The following LSAMP variants were observed in gnomAD, a reference collection of about 807,000 sequenced individuals.
LSAMP encodes limbic system-associated membrane protein.
In LSAMP, 7 loss-of-function variants were observed where a neutral mutation model predicts 38.6. The observed-to-expected ratio is 0.18, with a 90% CI of 0.10 to 0.34. LSAMP has a LOEUF of 0.34. Ranked by LOEUF, LSAMP falls within the 10% of genes least tolerant of loss-of-function variation. The probability of loss-of-function intolerance (pLI) is 1.00; values close to 1 mark genes in which losing one functional copy is unlikely to be tolerated. For missense variants in LSAMP, 313 were observed against 420.0 expected (o/e 0.75, Z 2.23); for synonymous variants, 154 against 166.8 (o/e 0.92, Z 0.59).
intron 1 of LSAMP, among the ~76,000 whole-genome samples, chr3:116,370,682 C>T (rs995784085): frequency 6.6e-6 from 1 of 152,138 alleles, no homozygotes; most frequent in African/African-American, 2.4e-5. Flanking sequence ...CTTGCAGTCA[C>T]AGAAGTGCAG....
In LSAMP at chr3:115,804,668, A is replaced by G. The variant is rs1480203275; in HGVS notation, c.*5649T>C. 1 of 152,102 alleles carries G rather than the reference A, an allele frequency of 6.6e-6. No homozygotes were observed. Among genetic ancestry groups the G allele is most frequent in the African/African-American group, 2.4e-5 (1 of 41,408 alleles). 9.4% of individuals were successfully genotyped at this position (152,102 alleles called of 1,614,324 possible). ...CTAAAATTTTTATAAGTCTTTGCAGAAAGTTCACTTGTTTCCTGAAATCAT... is the reference window on the plus strand; with the variant it reads ...CTAAAATTTTTATAAGTCTTTGCAGGAAGTTCACTTGTTTCCTGAAATCAT... On this transcript the variant is annotated 3_prime_UTR_variant, in exon 7 of 7. Transcript: ENST00000490035.
At chr3:115,928,782 A>G (rs568095373) in intron 3 of LSAMP, among the ~76,000 whole-genome samples, 1 of 152,246 alleles carries the variant, frequency 6.6e-6, no homozygotes, top group East Asian at 1.9e-4. Flanking sequence ...TATATTCTGT[A>G]ACCGTGGATC....
chr3:116,301,840 T>TATCA (rs1273331917), intron 1 of LSAMP, among the ~76,000 whole-genome samples: 2 of 152,218 alleles, frequency 1.3e-5, no homozygotes, highest in African/African-American at 4.8e-5. Flanking sequence ...GACACAAATC[T>TATCA]ATCATGACAG....
chr3:116,220,126 T>G (rs1277497792), intron 1 of LSAMP, among the ~76,000 whole-genome samples: 1 of 150,990 alleles, frequency 6.6e-6, no homozygotes, highest in Non-Finnish European at 1.5e-5. Context: ...GAGGTTACAG[T>G]GAGCTGAGAC....
chr3:116,440,748 C>T (rs188314659), intron 1 of LSAMP, among the ~76,000 whole-genome samples: 41 of 152,284 alleles, frequency 2.7e-4, no homozygotes, highest in Middle Eastern at 3.4e-3. Context: ...CTGCAATGCA[C>T]GATCCTTACA....
intron 1 of LSAMP, among the ~76,000 whole-genome samples, chr3:116,427,366 C>T (rs1233369013): frequency 6.6e-6 from 1 of 151,502 alleles, no homozygotes; most frequent in Non-Finnish European, 1.5e-5. Flanking sequence ...ATGATCCACC[C>T]GCCTCGGCCT....
At chr3:116,205,247 G>C (rs1262314624) in intron 1 of LSAMP, among the ~76,000 whole-genome samples, 3 of 148,582 alleles carry the variant, frequency 2.0e-5, no homozygotes, top group Non-Finnish European at 4.5e-5. Flanking sequence ...TTTGTACGTT[G>C]ATTTTGTATC....
chr3:115,900,817 C>T (rs1936856131), intron 3 of LSAMP, among the ~76,000 whole-genome samples: 1 of 152,136 alleles, frequency 6.6e-6, no homozygotes, highest in South Asian at 2.1e-4. Context: ...GCCTTTGGCA[C>T]TCACAGTGGA....
intron 1 of LSAMP, among the ~76,000 whole-genome samples, chr3:116,338,430 C>G (rs1305433260): frequency 3.3e-5 from 5 of 152,044 alleles, no homozygotes; most frequent in African/African-American, 7.2e-5. Flanking sequence ...TCTTCTCTCC[C>G]ATTCCACGTA....
At chr3:115,885,860 A>C (rs143937940) in intron 3 of LSAMP, among the ~76,000 whole-genome samples, 1 of 152,068 alleles carries the variant, frequency 6.6e-6, no homozygotes, top group East Asian at 1.9e-4. Context: ...ACCATTGCCC[A>C]ATGATCCCCA....
intron 1 of LSAMP, among the ~76,000 whole-genome samples, chr3:116,295,263 T>C (rs1576489166): frequency 6.6e-6 from 1 of 152,208 alleles, no homozygotes; most frequent in East Asian, 1.9e-4. Flanking sequence ...GAGGGGAGCC[T>C]CTTTTTGCTG....
chr3:115,982,931 C>CTTTT (rs11386123), intron 3 of LSAMP, among the ~76,000 whole-genome samples: 22 of 136,266 alleles, frequency 1.6e-4, no homozygotes, highest in African/African-American at 5.7e-4. Context: ...CCTATGGAGA[C>CTTTT]TTTTTTTTTT....
intron 1 of LSAMP, among the ~76,000 whole-genome samples, chr3:116,172,696 A>C (rs889192001): frequency 5.3e-5 from 8 of 151,890 alleles, no homozygotes; most frequent in African/African-American, 1.9e-4. Flanking sequence ...TGTTGTTGAG[A>C]GGATGTGGGA....
chr3:116,212,991 G>T (rs2107608381), intron 1 of LSAMP, among the ~76,000 whole-genome samples: 1 of 152,276 alleles, frequency 6.6e-6, no homozygotes, highest in East Asian at 1.9e-4. Flanking sequence ...GTAAGATTTT[G>T]CAATGGGTCA....
chr3:116,107,915 C>G (rs1325721289), intron 1 of LSAMP, among the ~76,000 whole-genome samples: 1 of 152,120 alleles, frequency 6.6e-6, no homozygotes, highest in Non-Finnish European at 1.5e-5. Flanking sequence ...GGCATAGATC[C>G]TGAACTAACT....
At chr3:115,864,155 A>G (rs1165418478) in intron 3 of LSAMP, among the ~76,000 whole-genome samples, 2 of 152,162 alleles carry the variant, frequency 1.3e-5, no homozygotes, top group African/African-American at 2.4e-5. Flanking sequence ...CACTTTGCCC[A>G]TGATTGAGAG....
At chr3:116,307,169 T>C (rs930284958) in intron 1 of LSAMP, among the ~76,000 whole-genome samples, 3 of 152,016 alleles carry the variant, frequency 2.0e-5, no homozygotes, top group African/African-American at 7.2e-5. Flanking sequence ...TTGCATTCTC[T>C]TTGCCAAATT....
chr3:115,894,311 A>G (rs938670359), intron 3 of LSAMP, among the ~76,000 whole-genome samples: 1 of 151,984 alleles, frequency 6.6e-6, no homozygotes, highest in Non-Finnish European at 1.5e-5. Flanking sequence ...ACTTCCTTCT[A>G]TTAGCATTTT....
intron 1 of LSAMP, among the ~76,000 whole-genome samples, chr3:116,099,200 C>T (rs568834528): frequency 3.3e-4 from 50 of 152,154 alleles, no homozygotes; most frequent in Non-Finnish European, 5.7e-4. Context: ...CTACGAAGAG[C>T]CCTATGATTC....
Sources: gnomAD v4.1 joint callset for allele counts (sites outside exome capture counted in the v4.1 genomes callset) on GRCh38, gnomAD v4.1.1 for gene constraint, MANE v1.5 for transcripts, NCBI Gene and HGNC (gene_info 2026-07-23, HGNC 2026-07-21) for gene names.